FRMD4A: variants seen among roughly 807,000 people sequenced by gnomAD.
FRMD4A encodes the protein FERM domain-containing protein 4A.
FRMD4A carries 29 observed loss-of-function variants against 129.1 expected under a neutral mutation model. That is an observed-to-expected ratio of 0.22 (90% confidence interval 0.17 to 0.31). FRMD4A has a LOEUF of 0.31. FRMD4A is among the 10% of genes least tolerant of loss of function. FRMD4A has a pLI of 1.00. For missense variants in FRMD4A, 1,272 were observed against 1,375.8 expected, an observed-to-expected ratio of 0.92 and a Z score of 1.19; for synonymous variants, 634 against 571.6, an observed-to-expected ratio of 1.11 and a Z score of -1.56.
chr10:13,691,128 C>T (rs2085649689), intron 15 of FRMD4A, among the ~76,000 whole-genome samples: 1 of 152,186 alleles, frequency 6.6e-6, no homozygotes, highest in African/African-American at 2.4e-5. Context: ...ACTGGGATTA[C>T]AGGTGTGCAC....
intron 8 of FRMD4A, among the ~76,000 whole-genome samples, chr10:13,749,439 G>T (rs2091458021): frequency 6.6e-6 from 1 of 152,144 alleles, no homozygotes; most frequent in Admixed American, 6.5e-5. Context: ...CCATAGAGGG[G>T]AGTTCCTCAG....
intron 2 of FRMD4A, among the ~76,000 whole-genome samples, chr10:13,931,958 C>A (rs1204220056): frequency 6.6e-6 from 1 of 151,714 alleles, no homozygotes; most frequent in Admixed American, 6.6e-5. Context: ...CAAAAACCAA[C>A]CAACCAACCA....
chr10:13,876,098 G>A (rs2094486674), intron 2 of FRMD4A, among the ~76,000 whole-genome samples: 1 of 152,224 alleles, frequency 6.6e-6, no homozygotes, highest in South Asian at 2.1e-4. Flanking sequence ...ATCAGGAAGG[G>A]ACCAGAGACT....
At chr10:13,871,563 G>C (rs2094439220) in intron 2 of FRMD4A, among the ~76,000 whole-genome samples, 1 of 152,090 alleles carries the variant, frequency 6.6e-6, no homozygotes, top group Non-Finnish European at 1.5e-5. Flanking sequence ...AAAAAATAAA[G>C]ACCACCTCAC....
intron 11 of FRMD4A, among the ~76,000 whole-genome samples, chr10:13,738,958 G>C (rs774668489): frequency 1.3e-5 from 2 of 152,140 alleles, no homozygotes; most frequent in Non-Finnish European, 2.9e-5. Flanking sequence ...TCACCTGAGC[G>C]TAAGTTGCAA....
chr10:13,673,605 CAG>C (rs544880905), intron 16 of FRMD4A, among the ~76,000 whole-genome samples: 5,480 of 151,862 alleles, frequency 0.036, 130 homozygotes, highest in African/African-American at 0.062. Context: ...CACACACACA[CAG>C]AGTCATGTGT....
At chr10:14,064,030 G>T (rs1834939758) in intron 2 of FRMD4A, among the ~76,000 whole-genome samples, 1 of 152,052 alleles carries the variant, frequency 6.6e-6, no homozygotes, top group Non-Finnish European at 1.5e-5. Context: ...TGTTCTTCCC[G>T]CTCCTTAAGT....
chr10:14,129,534 T>C (rs797022489), intron 2 of FRMD4A, among the ~76,000 whole-genome samples: 2 of 151,374 alleles, frequency 1.3e-5, no homozygotes, highest in African/African-American at 4.8e-5. Context: ...GACAATGCCC[T>C]GCTAGGAAAA....
At chr10:14,175,988 T>A (rs998489217) in intron 2 of FRMD4A, among the ~76,000 whole-genome samples, 1 of 152,232 alleles carries the variant, frequency 6.6e-6, no homozygotes, top group Non-Finnish European at 1.5e-5. Context: ...TATAAAAGAT[T>A]ATTGCCATTT....
chr10:14,061,265 GGTGTTGAT>G (rs777416228), intron 2 of FRMD4A, among the ~76,000 whole-genome samples: 7,580 of 152,008 alleles, frequency 0.05, 317 homozygotes, highest in East Asian at 0.13. Context: ...GATCAACATG[GGTGTTGAT>G]CAACCCCGTC....
At chr10:14,030,390 C>A (rs1833181471) in intron 2 of FRMD4A, among the ~76,000 whole-genome samples, 1 of 152,182 alleles carries the variant, frequency 6.6e-6, no homozygotes. Context: ...ACATCATACA[C>A]CTTAAATACA....
intron 2 of FRMD4A, among the ~76,000 whole-genome samples, chr10:14,221,716 C>A (rs867502085): frequency 2.2e-4 from 8 of 35,574 alleles, no homozygotes; most frequent in South Asian, 3.4e-3. Context: ...CACAGTACCA[C>A]GCCGGGTAAT....
intron 19 of FRMD4A, among the ~76,000 whole-genome samples, chr10:13,661,118 G>A (rs1452865781): frequency 2.0e-5 from 3 of 152,156 alleles, no homozygotes; most frequent in African/African-American, 7.2e-5. Flanking sequence ...TTCCCCCAGA[G>A]CTGTGTTTAT....
intron 4 of FRMD4A, among the ~76,000 whole-genome samples, chr10:13,810,053 C>T (rs2130872019): frequency 6.6e-6 from 1 of 152,256 alleles, no homozygotes; most frequent in South Asian, 2.1e-4. Context: ...GAAATCATCT[C>T]TGTATTTCTG....
intron 9 of FRMD4A, 70 bp downstream of exon 9, chr10:13,747,666 A>T (rs1482158946): frequency 1.2e-6 from 1 of 816,426 alleles, no homozygotes; most frequent in African/African-American, 1.7e-5. Flanking sequence ...GGGAGGGTAC[A>T]TTCAGTTGTC....
chr10:14,273,415 T>C (rs1191552741), intron 2 of FRMD4A, among the ~76,000 whole-genome samples: 1 of 152,204 alleles, frequency 6.6e-6, no homozygotes, highest in East Asian at 1.9e-4. Flanking sequence ...TTTCATCTCC[T>C]ACTCATAACA....
At chr10:14,185,529 C>T (rs1015242096) in intron 2 of FRMD4A, among the ~76,000 whole-genome samples, 6 of 152,106 alleles carry the variant, frequency 3.9e-5, no homozygotes, top group South Asian at 2.1e-4. Flanking sequence ...TGTTGTAGAA[C>T]TATGGAAACT....
intron 2 of FRMD4A, among the ~76,000 whole-genome samples, chr10:14,314,078 G>T (rs915966748): frequency 6.6e-6 from 1 of 152,210 alleles, no homozygotes; most frequent in African/African-American, 2.4e-5. Flanking sequence ...AAGCACATTT[G>T]CCAGAAAGCC....
intron 2 of FRMD4A, among the ~76,000 whole-genome samples, chr10:13,994,175 ATTTTTTTTTTT>A (rs549621959): frequency 9.8e-6 from 1 of 101,972 alleles, no homozygotes; most frequent in African/African-American, 4.3e-5. Context: ...CGCCCAGCTA[ATTTTTTTTTTT>A]TTTTTTTTTT....
Sources: gnomAD v4.1 joint callset for allele counts (sites outside exome capture counted in the v4.1 genomes callset) on GRCh38, gnomAD v4.1.1 for gene constraint, MANE v1.5 for transcripts, NCBI Gene and HGNC (gene_info 2026-07-23, HGNC 2026-07-21) for gene names.